IL1RAPL1: variants seen among roughly 807,000 people sequenced by gnomAD.
IL1RAPL1 encodes the protein interleukin 1 receptor accessory protein like 1, also known as interleukin-1 receptor accessory protein-like 1.
A neutral mutation model predicts 48.4 loss-of-function variants in IL1RAPL1; 3 were observed. The observed-to-expected ratio is 0.06, with a 90% CI of 0.03 to 0.16. IL1RAPL1 has a LOEUF of 0.16. Among genes scored for constraint, IL1RAPL1 ranks in the 10% least tolerant of loss-of-function variants. The pLI is 1.00. For missense variants in IL1RAPL1, 349 were observed against 530.6 expected (o/e 0.66, Z 3.36); for synonymous variants, 185 against 187.7 (o/e 0.99, Z 0.12).
chrX:28,938,007 G>A (rs1924061773), intron 2 of IL1RAPL1, among the ~76,000 whole-genome samples: 1 of 111,187 alleles, frequency 9.0e-6, no homozygotes, highest in African/African-American at 3.3e-5. Flanking sequence ...ACTGCTCAAA[G>A]AAATCAGAGA....
chrX:29,453,706 G>A (rs1934706683), intron 5 of IL1RAPL1, among the ~76,000 whole-genome samples: 1 of 111,632 alleles, frequency 9.0e-6, no homozygotes, highest in African/African-American at 3.3e-5. Flanking sequence ...TTGGACGTCT[G>A]TACATTTTTA....
intron 2 of IL1RAPL1, among the ~76,000 whole-genome samples, chrX:29,248,324 C>T (rs1021111557): frequency 1.8e-5 from 2 of 110,942 alleles, no homozygotes; most frequent in Non-Finnish European, 3.8e-5. Flanking sequence ...GGCTGAGGCA[C>T]GAGAATTGCT....
At chrX:29,527,326 CTTTTTTTTTTTT>C (rs61003668) in intron 5 of IL1RAPL1, among the ~76,000 whole-genome samples, 616 of 25,580 alleles carry the variant, frequency 0.024, 21 homozygotes, top group African/African-American at 0.08. Context: ...GGGAAGGACT[CTTTTTTTTTTTT>C]TTTTTTTTTT....
At chrX:29,914,417 G>A (rs1932781950) in intron 6 of IL1RAPL1, among the ~76,000 whole-genome samples, 1 of 111,523 alleles carries the variant, frequency 9.0e-6, no homozygotes, top group African/African-American at 3.3e-5. Flanking sequence ...CCTTATTTAT[G>A]ATTTTTAAGG....
intron 2 of IL1RAPL1, among the ~76,000 whole-genome samples, chrX:29,088,719 G>C (rs1602051164): frequency 9.8e-6 from 1 of 101,896 alleles, no homozygotes; most frequent in Middle Eastern, 5.2e-3. Flanking sequence ...CACTACTGTA[G>C]AATATCTTAA....
At chrX:29,803,347 A>C (rs192790474) in intron 6 of IL1RAPL1, among the ~76,000 whole-genome samples, 1 of 72,957 alleles carries the variant, frequency 1.4e-5, no homozygotes, top group Admixed American at 1.5e-4. Flanking sequence ...ATATGTATAT[A>C]TGTATACATG....
intron 5 of IL1RAPL1, among the ~76,000 whole-genome samples, chrX:29,496,622 G>A (rs749863258): frequency 3.6e-5 from 4 of 110,483 alleles, no homozygotes; most frequent in East Asian, 2.8e-4. Context: ...AATTAAATCC[G>A]TTTTCAGTAT....
intron 6 of IL1RAPL1, among the ~76,000 whole-genome samples, chrX:29,797,664 G>A (rs1457441244): frequency 9.0e-6 from 1 of 111,517 alleles, no homozygotes; most frequent in Non-Finnish European, 1.9e-5. Context: ...CTTGAGGTCA[G>A]GAGTTCGAGA....
rs570594216 is a variant in IL1RAPL1 at position 29,406,257 on chromosome X, T to C, written c.703+6949T>C. 6.6e-3 allele frequency among the ~76,000 whole-genome samples: 724 copies of C among 109,775 alleles called. 3 individuals are homozygous for C. Among genetic ancestry groups the C allele is most frequent in the Middle Eastern group, 9.4e-3 (2 of 212 alleles). On this transcript the variant is annotated intron_variant, in intron 5 of 10. Transcript: ENST00000378993. ...ACAAAAAATTAGCCGGGCGTGGTGG[T>C]GGGCGCCTGTAGTCCCAGCTACTCG... is the stretch of plus-strand genomic sequence containing the variant.
intron 6 of IL1RAPL1, among the ~76,000 whole-genome samples, chrX:29,877,215 T>C (rs980102646): frequency 6.3e-5 from 7 of 111,780 alleles, no homozygotes; most frequent in Admixed American, 9.5e-5. Context: ...CCATAGTGGC[T>C]GGAGGTATTG....
chrX:29,656,631 T>TTATA (rs763501932), intron 5 of IL1RAPL1, among the ~76,000 whole-genome samples: 5 of 103,974 alleles, frequency 4.8e-5, no homozygotes, highest in East Asian at 2.8e-4. Context: ...GTATTTCATT[T>TTATA]TATATATATA....
chrX:29,537,681 G>T, intron 5 of IL1RAPL1, among the ~76,000 whole-genome samples: 1 of 107,245 alleles, frequency 9.3e-6, no homozygotes, highest in East Asian at 2.9e-4. Context: ...ATACAAAATT[G>T]AAAATAAAGA....
intron 3 of IL1RAPL1, among the ~76,000 whole-genome samples, chrX:29,303,721 T>G (rs967275095): frequency 1.8e-5 from 2 of 112,109 alleles, no homozygotes; most frequent in Admixed American, 1.9e-4. Context: ...CCCTAGGACC[T>G]ACCAAGTCGA....
intron 5 of IL1RAPL1, among the ~76,000 whole-genome samples, chrX:29,432,733 A>G (rs771669488): frequency 9.0e-6 from 1 of 111,692 alleles, no homozygotes; most frequent in African/African-American, 3.2e-5. Flanking sequence ...AGATATAGCA[A>G]TGACTCATTT....
Position 28,618,498 on chromosome X carries a change from GTTATC to G in IL1RAPL1, c.-25+30459_-25+30463del, listed in dbSNP as rs748113355. Among the ~76,000 whole-genome samples, 19 of 110,781 alleles carry G rather than the reference GTTATC, an allele frequency of 1.7e-4. No homozygotes were observed. The South Asian group carries it at 6.1e-3, about 35-fold the overall frequency. On this transcript the variant is annotated intron_variant, in intron 1 of 10. Coordinates refer to ENST00000378993, the MANE Select transcript of IL1RAPL1 (RefSeq NM_014271.4). Reference sequence around the variant, plus strand: ...CTTAGGAGAGTCACAGTGTAGGGAAGTTATCTTATCTTTACAACAATAACCATTAT... The same window carrying G: ...CTTAGGAGAGTCACAGTGTAGGGAAGTTATCTTTACAACAATAACCATTAT...
At chrX:29,689,781 A>G (rs1304129062) in intron 6 of IL1RAPL1, among the ~76,000 whole-genome samples, 1 of 112,522 alleles carries the variant, frequency 8.9e-6, no homozygotes, top group Non-Finnish European at 1.9e-5. Flanking sequence ...TGGAAAAAAT[A>G]GTGTAGACAC....
intron 6 of IL1RAPL1, among the ~76,000 whole-genome samples, chrX:29,914,528 T>C (rs1280782636): frequency 1.8e-5 from 2 of 111,491 alleles, no homozygotes; most frequent in Non-Finnish European, 3.8e-5. Context: ...TTAAACTTGG[T>C]CTTATAAAAG....
chrX:28,924,138 A>AAAAC (rs1368426082), intron 2 of IL1RAPL1: 1 of 111,725 alleles, frequency 9.0e-6, no homozygotes, highest in Admixed American at 9.5e-5. Context: ...ACTCTAATGG[A>AAAAC]AAACAAACAA....
At chrX:29,253,891 A>G in intron 2 of IL1RAPL1, among the ~76,000 whole-genome samples, 1 of 111,664 alleles carries the variant, frequency 9.0e-6, no homozygotes, top group Non-Finnish European at 1.9e-5. Context: ...CAAGCATTTA[A>G]GGTGAAAGGT....
Sources: gnomAD v4.1 joint callset for allele counts (sites outside exome capture counted in the v4.1 genomes callset) on GRCh38, gnomAD v4.1.1 for gene constraint, MANE v1.5 for transcripts, NCBI Gene and HGNC (gene_info 2026-07-23, HGNC 2026-07-21) for gene names.